Variants in SEMA6D observed in about 807,000 individuals in gnomAD.
The protein encoded by SEMA6D is semaphorin-6D.
Under a neutral mutation model 106.6 loss-of-function variants are expected in SEMA6D, and 35 were observed. The observed-to-expected ratio is 0.33, with a 90% CI of 0.25 to 0.44. The LOEUF (loss-of-function observed/expected upper bound fraction) is 0.44, where lower values mean the gene tolerates loss of function less well. Among genes scored for constraint, SEMA6D ranks in the 20% least tolerant of loss-of-function variants. SEMA6D has a pLI of 1.00. For missense variants in SEMA6D, 1,185 were observed against 1,345.9 expected (o/e 0.88, Z 1.87); for synonymous variants, 499 against 487.7 (o/e 1.02, Z -0.31).
chr15:47,610,486 C>T (rs2076875111), intron 4 of SEMA6D, among the ~76,000 whole-genome samples: 1 of 152,168 alleles, frequency 6.6e-6, no homozygotes, highest in Admixed American at 6.5e-5. Flanking sequence ...CCCTTAATAC[C>T]TGTGTGATGA....
At chr15:47,239,386 A>T (rs557199562) in intron 1 of SEMA6D, among the ~76,000 whole-genome samples, 1 of 152,320 alleles carries the variant, frequency 6.6e-6, no homozygotes, top group South Asian at 2.1e-4. Flanking sequence ...AATGCACTTG[A>T]ATAATTCCAA....
In SEMA6D at chr15:47,679,181, A is replaced by G. The variant is rs528080564; in HGVS notation, c.-55+78285A>G. Among the ~76,000 whole-genome samples, 11 of 152,352 alleles carry G rather than the reference A, an allele frequency of 7.2e-5. No individual in the cohort carries two copies. In the South Asian group the frequency reaches 2.1e-3, roughly 29 times the overall value. ...CTACAGATATGTATTTTGTTTTACT[A>G]TAAATTCAGTTGACATGAGATTAAA... On this transcript the variant is annotated intron_variant, in intron 4 of 19. Transcript: ENST00000558014.
At chr15:47,506,240 G>T (rs2044033465) in intron 3 of SEMA6D, among the ~76,000 whole-genome samples, 1 of 152,122 alleles carries the variant, frequency 6.6e-6, no homozygotes. Context: ...TTATCCCTGT[G>T]CTTCAAAAAT....
intron 3 of SEMA6D, among the ~76,000 whole-genome samples, chr15:47,504,644 T>C (rs983761588): frequency 6.6e-6 from 1 of 152,190 alleles, no homozygotes; most frequent in Non-Finnish European, 1.5e-5. Flanking sequence ...ATGTCTTTGA[T>C]GTGCCACAAA....
At chr15:47,505,315 A>C (rs2044004181) in intron 3 of SEMA6D, among the ~76,000 whole-genome samples, 1 of 152,192 alleles carries the variant, frequency 6.6e-6, no homozygotes, top group Admixed American at 6.5e-5. Flanking sequence ...GTTAAGCAGG[A>C]CTGAGAACTT....
chr15:47,436,796 T>G, intron 2 of SEMA6D, among the ~76,000 whole-genome samples: 2 of 145,088 alleles, frequency 1.4e-5, no homozygotes, highest in African/African-American at 5.0e-5. Context: ...TAGCTGGAAG[T>G]GGTGGTGCAT....
chr15:47,682,806 A>T (rs1425987043), intron 4 of SEMA6D, among the ~76,000 whole-genome samples: 1 of 152,230 alleles, frequency 6.6e-6, no homozygotes, highest in Admixed American at 6.5e-5. Flanking sequence ...ATTTGCCCGC[A>T]GTACGTAAAA....
intron 3 of SEMA6D, among the ~76,000 whole-genome samples, chr15:47,568,263 A>T (rs2046286610): frequency 6.6e-6 from 1 of 152,108 alleles, no homozygotes; most frequent in Non-Finnish European, 1.5e-5. Context: ...TCCTCTATAG[A>T]AACTATTTCA....
intron 1 of SEMA6D, among the ~76,000 whole-genome samples, chr15:47,756,824 C>T (rs2081768657): frequency 6.6e-6 from 1 of 152,096 alleles, no homozygotes; most frequent in South Asian, 2.1e-4. Flanking sequence ...TCTTCCCTCC[C>T]CCACCCAGCT....
At chr15:47,763,384 C>T (rs545196028) in intron 9 of SEMA6D, among the ~76,000 whole-genome samples, 2 of 152,146 alleles carry the variant, frequency 1.3e-5, no homozygotes, top group East Asian at 3.9e-4. Flanking sequence ...GCTACGGATG[C>T]TTTTTTTACT....
chr15:47,241,717 TA>T (rs2032920940), intron 1 of SEMA6D, among the ~76,000 whole-genome samples: 1 of 151,846 alleles, frequency 6.6e-6, no homozygotes, highest in African/African-American at 2.4e-5. Context: ...AAAAACCTCT[TA>T]AAAATCAACC....
intron 3 of SEMA6D, among the ~76,000 whole-genome samples, chr15:47,514,801 C>T (rs1311007288): frequency 6.6e-6 from 1 of 152,094 alleles, no homozygotes; most frequent in Non-Finnish European, 1.5e-5. Context: ...AGTAAAAGTC[C>T]TTTACAATGG....
intron 3 of SEMA6D, among the ~76,000 whole-genome samples, chr15:47,526,947 C>G (rs971968162): frequency 1.3e-5 from 2 of 152,122 alleles, no homozygotes; most frequent in Admixed American, 1.3e-4. Flanking sequence ...CTATGTTGGT[C>G]AGGCTGATCT....
chr15:47,504,867 T>G (rs538079041), intron 3 of SEMA6D, among the ~76,000 whole-genome samples: 14 of 152,242 alleles, frequency 9.2e-5, no homozygotes, highest in African/African-American at 3.4e-4. Flanking sequence ...GGGAATCATC[T>G]CCATAGTGTT....
chr15:47,251,979 G>T lies in SEMA6D; in HGVS notation c.-239+67561G>T, dbSNP rs866118246. ...CGCCCAGGCTGGAGTGCAGTGGCGC[G>T]ATCTCGGCTCACTGCAAGCTCCGCC... On this transcript the variant is annotated intron_variant, in intron 1 of 19. Transcript: ENST00000558014. Among the ~76,000 whole-genome samples, 19 of 133,402 alleles carry T rather than the reference G, an allele frequency of 1.4e-4. 1 individual carries two copies. The South Asian group carries it at 2.8e-3, about 20-fold the overall frequency. The allele number at this position is 133,402 out of a possible 152,430, so 87.5% of individuals were successfully genotyped here. A position where few individuals can be genotyped will look rare whatever the true frequency, so the allele number is the denominator to read the frequency against.
chr15:47,625,071 G>T (rs1404146700), intron 4 of SEMA6D, among the ~76,000 whole-genome samples: 1 of 149,120 alleles, frequency 6.7e-6, no homozygotes, highest in African/African-American at 2.4e-5. Context: ...CCATTTTAGA[G>T]ATTTTTTAAT....
intron 1 of SEMA6D, among the ~76,000 whole-genome samples, chr15:47,195,329 C>T (rs763864202): frequency 1.5e-4 from 23 of 152,118 alleles, no homozygotes; most frequent in Admixed American, 3.3e-4. Flanking sequence ...CTGCATCATC[C>T]GTTCCCTGCC....
At chr15:47,722,998 T>C (rs2079512195) in intron 1 of SEMA6D, among the ~76,000 whole-genome samples, 1 of 152,150 alleles carries the variant, frequency 6.6e-6, no homozygotes, top group South Asian at 2.1e-4. Context: ...GGATTTGAAC[T>C]TAGGCTTCCC....
At chr15:47,346,281 G>A (rs2038041654) in intron 1 of SEMA6D, among the ~76,000 whole-genome samples, 1 of 152,120 alleles carries the variant, frequency 6.6e-6, no homozygotes, top group African/African-American at 2.4e-5. Flanking sequence ...CCTTTCAAAG[G>A]GAAAATGGAG....
Sources: gnomAD v4.1 joint callset for allele counts (sites outside exome capture counted in the v4.1 genomes callset) on GRCh38, gnomAD v4.1.1 for gene constraint, MANE v1.5 for transcripts, NCBI Gene and HGNC (gene_info 2026-07-23, HGNC 2026-07-21) for gene names.